Variants in RBFOX1 observed in about 807,000 individuals in gnomAD.
RBFOX1 encodes RNA binding protein fox-1 homolog 1.
In RBFOX1, 8 loss-of-function variants were observed where a neutral mutation model predicts 57.7. The ratio of observed to expected loss-of-function variants is 0.14; its 90% confidence interval spans 0.08 to 0.25. RBFOX1 has a LOEUF of 0.25. RBFOX1 is among the 10% of genes least tolerant of loss of function. RBFOX1 has a pLI of 1.00. For missense variants in RBFOX1, 611 were observed against 548.5 expected (o/e 1.11, Z -1.14); for synonymous variants, 326 against 222.4 (o/e 1.47, Z -4.15).
chr16:5,681,499 C>T (rs1010681450), intron 3 of RBFOX1, among the ~76,000 whole-genome samples: 13 of 151,252 alleles, frequency 8.6e-5, no homozygotes, highest in Non-Finnish European at 1.9e-4. Flanking sequence ...AGTGATTCTC[C>T]TGCCTCAGCC....
intron 4 of RBFOX1, among the ~76,000 whole-genome samples, chr16:5,914,880 G>C (rs970238980): frequency 5.9e-5 from 9 of 151,978 alleles, no homozygotes; most frequent in African/African-American, 2.2e-4. Flanking sequence ...AGGCGACAGA[G>C]TGATACTCTG....
At chr16:6,910,999 G>C (rs1596968940) in intron 3 of RBFOX1, among the ~76,000 whole-genome samples, 1 of 152,156 alleles carries the variant, frequency 6.6e-6, no homozygotes, top group South Asian at 2.1e-4. Context: ...TCAGGAGTTT[G>C]AGATAAGCCT....
At chr16:6,767,525 A>G (rs908906864) in intron 3 of RBFOX1, among the ~76,000 whole-genome samples, 2 of 151,930 alleles carry the variant, frequency 1.3e-5, no homozygotes, top group Admixed American at 6.6e-5. Context: ...TTAATTTAAA[A>G]CCTCACCCCC....
intron 3 of RBFOX1, among the ~76,000 whole-genome samples, chr16:6,843,880 G>C (rs1352347481): frequency 7.2e-5 from 11 of 152,180 alleles, no homozygotes; most frequent in South Asian, 2.1e-4. Flanking sequence ...ATATCCCCTG[G>C]ATTGTCCTTC....
intron 3 of RBFOX1, among the ~76,000 whole-genome samples, chr16:5,627,610 A>G (rs2048382693): frequency 6.6e-6 from 1 of 152,172 alleles, no homozygotes; most frequent in Non-Finnish European, 1.5e-5. Flanking sequence ...AATAACAACA[A>G]ACTAAGAAGG....
intron 4 of RBFOX1, among the ~76,000 whole-genome samples, chr16:7,071,912 T>C (rs1047137653): frequency 6.6e-6 from 1 of 152,128 alleles, no homozygotes; most frequent in Non-Finnish European, 1.5e-5. Context: ...CAGCTGTTGC[T>C]CTTCACTACT....
At chr16:5,358,233 T>C (rs1487485251) in intron 1 of RBFOX1, among the ~76,000 whole-genome samples, 1 of 152,058 alleles carries the variant, frequency 6.6e-6, no homozygotes, top group Non-Finnish European at 1.5e-5. Context: ...TCTCCCTGTG[T>C]GAGTGTCTGT....
At chr16:5,436,444 T>A (rs1393306995) in intron 1 of RBFOX1, among the ~76,000 whole-genome samples, 3 of 152,178 alleles carry the variant, frequency 2.0e-5, no homozygotes, top group African/African-American at 7.2e-5. Context: ...GCTCTTTGCA[T>A]TCAGGCCACA....
chr16:7,439,255 C>G (rs1567173322), intron 4 of RBFOX1, among the ~76,000 whole-genome samples: 1 of 152,022 alleles, frequency 6.6e-6, no homozygotes, highest in Non-Finnish European at 1.5e-5. Context: ...ATGATCATGC[C>G]CCAGTGGCTC....
intron 3 of RBFOX1, among the ~76,000 whole-genome samples, chr16:5,700,164 T>C (rs2050993474): frequency 6.6e-6 from 1 of 152,226 alleles, no homozygotes. Flanking sequence ...AAATTTTAGT[T>C]TAATATTTTT....
At chr16:7,215,110 C>T (rs1351836818) in intron 4 of RBFOX1, among the ~76,000 whole-genome samples, 2 of 152,118 alleles carry the variant, frequency 1.3e-5, no homozygotes, top group Non-Finnish European at 2.9e-5. Flanking sequence ...TCCCTACGTC[C>T]ATGTGTTCTC....
chr16:5,401,065 T>A (rs74003902), intron 1 of RBFOX1, among the ~76,000 whole-genome samples: 1,693 of 152,314 alleles, frequency 0.011, 34 homozygotes, highest in African/African-American at 0.038. Context: ...GGAGATTTTT[T>A]AAAAATTTTA....
chr16:6,545,842 C>T (rs2096887091), intron 2 of RBFOX1, among the ~76,000 whole-genome samples: 1 of 152,194 alleles, frequency 6.6e-6, no homozygotes, highest in Non-Finnish European at 1.5e-5. Flanking sequence ...CTGGTGAAAA[C>T]TTGGAAATGT....
chr16:6,612,957 G>A (rs1373590017), intron 2 of RBFOX1, among the ~76,000 whole-genome samples: 3 of 151,546 alleles, frequency 2.0e-5, no homozygotes, highest in South Asian at 2.1e-4. Flanking sequence ...CAAAGCCCCC[G>A]TACAGTTCAC....
At chr16:7,645,213 TAA>T (rs1019962213) in intron 11 of RBFOX1, among the ~76,000 whole-genome samples, 1 of 152,216 alleles carries the variant, frequency 6.6e-6, no homozygotes, top group African/African-American at 2.4e-5. Context: ...TGGATTTGAC[TAA>T]AACTTTTCTA....
At chr16:5,956,008 TC>T (rs1161525509) in intron 4 of RBFOX1, among the ~76,000 whole-genome samples, 2 of 152,140 alleles carry the variant, frequency 1.3e-5, no homozygotes, top group Non-Finnish European at 2.9e-5. Context: ...GTGCCTGTAA[TC>T]CCAGTACTTT....
At chr16:6,005,812 A>G (rs1287460855) in intron 4 of RBFOX1, among the ~76,000 whole-genome samples, 4 of 152,188 alleles carry the variant, frequency 2.6e-5, no homozygotes, top group African/African-American at 9.6e-5. Context: ...AAAAAAGGCT[A>G]ATGGCATTTG....
chr16:5,398,229 G>A (rs936588417), intron 1 of RBFOX1, among the ~76,000 whole-genome samples: 9 of 152,156 alleles, frequency 5.9e-5, no homozygotes, highest in Non-Finnish European at 8.8e-5. Flanking sequence ...GAGTGTACAT[G>A]TGTGGACATG....
intron 2 of RBFOX1, among the ~76,000 whole-genome samples, chr16:6,504,658 G>A (rs1171646036): frequency 6.6e-6 from 1 of 152,152 alleles, no homozygotes; most frequent in Non-Finnish European, 1.5e-5. Flanking sequence ...CTGTCCCACT[G>A]CCATGTTTTC....
Sources: gnomAD v4.1 joint callset for allele counts (sites outside exome capture counted in the v4.1 genomes callset) on GRCh38, gnomAD v4.1.1 for gene constraint, MANE v1.5 for transcripts, NCBI Gene and HGNC (gene_info 2026-07-23, HGNC 2026-07-21) for gene names.